Variants in KIAA1549L observed in about 807,000 individuals in gnomAD.
KIAA1549L encodes UPF0606 protein KIAA1549L.
A neutral mutation model predicts 160.7 loss-of-function variants in KIAA1549L; 88 were observed. The observed-to-expected ratio is 0.55, with a 90% CI of 0.46 to 0.65. The LOEUF is 0.65. Among genes scored for constraint, KIAA1549L ranks in the 30% least tolerant of loss-of-function variants. KIAA1549L has a pLI of 0.00. For synonymous variants in KIAA1549L, 950 were observed against 976.7 expected (o/e 0.97, Z 0.51); for missense variants, 2,258 against 2,437.5 (o/e 0.93, Z 1.55).
intron 1 of KIAA1549L, among the ~76,000 whole-genome samples, chr11:33,529,271 G>T (rs564778856): frequency 6.6e-6 from 1 of 151,980 alleles, no homozygotes; most frequent in Admixed American, 6.5e-5. Flanking sequence ...GGAGGTTGAG[G>T]CTGCAGTGAG....
chr11:33,648,900 A>T (rs1021814426), intron 17 of KIAA1549L, among the ~76,000 whole-genome samples: 2 of 152,198 alleles, frequency 1.3e-5, no homozygotes, highest in Non-Finnish European at 2.9e-5. Flanking sequence ...TAACAGCAAC[A>T]GTTGGCATCT....
chr11:33,617,900 TGGATGGAC>T (rs1031631544), intron 15 of KIAA1549L, among the ~76,000 whole-genome samples: 9 of 151,632 alleles, frequency 5.9e-5, no homozygotes, highest in Non-Finnish European at 8.8e-5. Flanking sequence ...TAGATGTGGA[TGGATGGAC>T]GGATGGACGG....
At chr11:33,442,286 G>C (rs1343251669) in intron 1 of KIAA1549L, among the ~76,000 whole-genome samples, 5 of 152,124 alleles carry the variant, frequency 3.3e-5, no homozygotes, top group African/African-American at 7.2e-5. Flanking sequence ...CTATATCTCT[G>C]TTTTGGTACC....
At chr11:33,490,324 CTTTT>C in intron 1 of KIAA1549L, among the ~76,000 whole-genome samples, 1 of 135,602 alleles carries the variant, frequency 7.4e-6, no homozygotes. Context: ...TACTTTACCT[CTTTT>C]TTTTTTTTTT....
rs1020681329 is a variant in KIAA1549L at position 33,543,757 on chromosome 11, A to G, written c.2194A>G (p.Thr732Ala). Residue 732 changes from threonine to alanine, a missense_variant, in exon 2 of 21, where the codon ACA (threonine) becomes GCA (alanine). By Grantham distance (58) the Thr-to-Ala change is moderately conservative. Transcript: ENST00000658780. ...YDLNGHTIST[T>A]SWETHLAPTA... ...TTTAAATGGACACACAATTAGCACC[A>G]CAAGTTGGGAAACTCATTTAGCTCC... The G allele has an allele frequency of 1.1e-5, 17 of 1,614,068 alleles. No individual in the cohort carries two copies. Among genetic ancestry groups the G allele is most frequent in the Non-Finnish European group, 1.4e-5 (17 of 1,179,900 alleles).
At chr11:33,421,881 G>A (rs1289259127) in intron 1 of KIAA1549L, among the ~76,000 whole-genome samples, 1 of 152,122 alleles carries the variant, frequency 6.6e-6, no homozygotes, top group Non-Finnish European at 1.5e-5. Flanking sequence ...ATCCCCTCAT[G>A]GCTCCCCTGC....
intron 16 of KIAA1549L, among the ~76,000 whole-genome samples, chr11:33,621,994 GT>G (rs1261811103): frequency 6.6e-6 from 1 of 152,224 alleles, no homozygotes; most frequent in East Asian, 1.9e-4. Context: ...CTAGCAGCTT[GT>G]CTGAAGTTCC....
chr11:33,588,387 C>T (rs1450450841), intron 11 of KIAA1549L, among the ~76,000 whole-genome samples: 1 of 152,138 alleles, frequency 6.6e-6, no homozygotes, highest in East Asian at 1.9e-4. Flanking sequence ...CTTTGAATGC[C>T]TTGCCAAAGC....
chr11:33,537,563 T>C (rs1033445860), intron 1 of KIAA1549L, among the ~76,000 whole-genome samples: 1 of 152,148 alleles, frequency 6.6e-6, no homozygotes, highest in African/African-American at 2.4e-5. Flanking sequence ...GCTCATTTGG[T>C]TTTCAGTAGT....
intron 1 of KIAA1549L, among the ~76,000 whole-genome samples, chr11:33,494,120 A>G (rs530254199): frequency 1.3e-5 from 2 of 152,272 alleles, no homozygotes; most frequent in South Asian, 4.1e-4. Context: ...TGTTGATTCT[A>G]TGGGTTCCTA....
At chr11:33,441,370 G>T (rs36170448) in intron 1 of KIAA1549L, among the ~76,000 whole-genome samples, 1 of 151,228 alleles carries the variant, frequency 6.6e-6, no homozygotes, top group East Asian at 1.9e-4. Context: ...GAATAGTGCC[G>T]CAATAAACAT....
intron 10 of KIAA1549L, among the ~76,000 whole-genome samples, chr11:33,575,964 T>C (rs763300603): frequency 1.3e-5 from 2 of 152,044 alleles, no homozygotes; most frequent in African/African-American, 2.4e-5. Flanking sequence ...GGAAGCTTAA[T>C]TGGTCAGCAG....
rs1854102326 is a variant in KIAA1549L at position 33,543,355 on chromosome 11, T to G, written c.1792T>G (p.Phe598Val). ...EVLSLHTVNG[F>V]VSDFSTGSVS... ...TTTGAGTCTTCACACTGTAAATGGATTTGTCTCTGATTTCAGCACCGGTAG... is the reference window on the plus strand; with the variant it reads ...TTTGAGTCTTCACACTGTAAATGGAGTTGTCTCTGATTTCAGCACCGGTAG... The change falls in exon 2 of 21, where the codon TTT becomes GTT. Residue 598 changes from phenylalanine (F) to valine (V), a missense_variant. Coordinates refer to ENST00000658780, the MANE Select transcript of KIAA1549L (RefSeq NM_012194.3). The G allele has an allele frequency of 1.2e-6, 2 of 1,613,910 alleles. No homozygotes were observed. The highest frequency in any genetic ancestry group is 1.7e-6 in the Non-Finnish European group (2 of 1,179,902).
At chr11:33,658,077 G>T (rs552723283) in intron 18 of KIAA1549L, among the ~76,000 whole-genome samples, 3 of 152,234 alleles carry the variant, frequency 2.0e-5, no homozygotes, top group Non-Finnish European at 2.9e-5. Context: ...GGAAAAACCA[G>T]GAGATGCCCA....
At chr11:33,499,621 G>T (rs1288828310) in intron 1 of KIAA1549L, among the ~76,000 whole-genome samples, 1 of 152,198 alleles carries the variant, frequency 6.6e-6, no homozygotes, top group Non-Finnish European at 1.5e-5. Flanking sequence ...TCTGGGTTTT[G>T]TGTAGTTGGT....
At chr11:33,644,235 G>A (rs1189033951) in intron 16 of KIAA1549L, among the ~76,000 whole-genome samples, 1 of 152,204 alleles carries the variant, frequency 6.6e-6, no homozygotes, top group Non-Finnish European at 1.5e-5. Context: ...TAGGAGATAA[G>A]ATGACAAGAA....
chr11:33,415,787 C>T (rs1294917304), intron 1 of KIAA1549L, among the ~76,000 whole-genome samples: 1 of 152,088 alleles, frequency 6.6e-6, no homozygotes, highest in African/African-American at 2.4e-5. Context: ...ACACTGATGA[C>T]TTATCAGCAT....
chr11:33,583,255 A>G, intron 10 of KIAA1549L, 83 bp from the exon 11 acceptor site: 1 of 1,322,704 alleles, frequency 7.6e-7, no homozygotes, highest in Non-Finnish European at 1.0e-6. Flanking sequence ...AGGACTTGGG[A>G]CTGGGGTGGG....
chr11:33,650,673 T>A (rs561432892), intron 17 of KIAA1549L, among the ~76,000 whole-genome samples: 1 of 152,244 alleles, frequency 6.6e-6, no homozygotes, highest in South Asian at 2.1e-4. Flanking sequence ...CTTCCTTCCT[T>A]CCATGCTTGT....
Sources: allele counts gnomAD v4.1 joint callset (sites outside exome capture counted in the v4.1 genomes callset), GRCh38; gene constraint gnomAD v4.1.1; transcripts MANE v1.5; gene names NCBI Gene and HGNC (gene_info 2026-07-23, HGNC 2026-07-21).